The following BMERB1 variants were observed in gnomAD, a reference collection of about 807,000 sequenced individuals.
BMERB1 encodes the protein bMERB domain-containing protein 1.
A neutral mutation model predicts 23.6 loss-of-function variants in BMERB1; 12 were observed. That is an observed-to-expected ratio of 0.51 (90% confidence interval 0.33 to 0.82). The LOEUF (loss-of-function observed/expected upper bound fraction) is 0.82. BMERB1 is among the 40% of genes least tolerant of loss of function. BMERB1 has a pLI of 0.03. For missense variants in BMERB1, 247 were observed against 255.4 expected (o/e 0.97, Z 0.22); for synonymous variants, 122 against 96.6 (o/e 1.26, Z -1.54).
intron 1 of BMERB1, chr16:15,502,488 C>A: frequency 1.1e-6 from 1 of 920,622 alleles, no homozygotes. Flanking sequence ...CTTTGGGAAA[C>A]GGTGACTCAT....
chr16:15,465,788 A>G (rs1184059024), intron 1 of BMERB1, among the ~76,000 whole-genome samples: 1 of 152,126 alleles, frequency 6.6e-6, no homozygotes, highest in Admixed American at 6.5e-5. Flanking sequence ...TCTTTTCCAC[A>G]TTTGCTTTTA....
intron 2 of BMERB1, among the ~76,000 whole-genome samples, chr16:15,523,940 C>G (rs1489448426): frequency 6.6e-6 from 1 of 152,208 alleles, no homozygotes; most frequent in Non-Finnish European, 1.5e-5. Flanking sequence ...TGCCAACTCT[C>G]TTGAGAGTGG....
At chr16:15,475,954 C>T (rs538184295) in intron 1 of BMERB1, among the ~76,000 whole-genome samples, 2 of 152,258 alleles carry the variant, frequency 1.3e-5, no homozygotes, top group African/African-American at 4.8e-5. Context: ...ACCTCATTCT[C>T]CAGCCCCTCT....
intron 1 of BMERB1, among the ~76,000 whole-genome samples, chr16:15,487,790 A>G (rs888409468): frequency 2.0e-5 from 3 of 152,202 alleles, no homozygotes; most frequent in Non-Finnish European, 2.9e-5. Flanking sequence ...TTAAGACTAT[A>G]TAAGGTAACT....
intron 1 of BMERB1, among the ~76,000 whole-genome samples, chr16:15,458,668 GT>G (rs1381990365): frequency 4.0e-5 from 6 of 149,586 alleles, no homozygotes. Flanking sequence ...AGTGAGCTGT[GT>G]TGGCACCACT....
At chr16:15,548,682 C>A (rs2029995184) in intron 2 of BMERB1, among the ~76,000 whole-genome samples, 1 of 152,328 alleles carries the variant, frequency 6.6e-6, no homozygotes, top group Middle Eastern at 3.4e-3. Flanking sequence ...CTTGCGTTTT[C>A]TTTGTGGTTT....
At chr16:15,490,388 T>A (rs1219128405) in intron 1 of BMERB1, among the ~76,000 whole-genome samples, 1 of 152,168 alleles carries the variant, frequency 6.6e-6, no homozygotes, top group Non-Finnish European at 1.5e-5. Context: ...GCTCAAGTGA[T>A]CCTCCTGCCT....
At chr16:15,499,611 G>C (rs748879783) in intron 1 of BMERB1, among the ~76,000 whole-genome samples, 6 of 152,046 alleles carry the variant, frequency 3.9e-5, no homozygotes, top group Non-Finnish European at 8.8e-5. Flanking sequence ...GCTTCTCCTT[G>C]AGTCCACCTG....
intron 1 of BMERB1, among the ~76,000 whole-genome samples, chr16:15,438,685 C>T (rs1052220395): frequency 6.6e-6 from 1 of 152,302 alleles, no homozygotes; most frequent in African/African-American, 2.4e-5. Context: ...GTCTCGAACT[C>T]CTGGCCTCAA....
At chr16:15,485,736 A>C (rs2051363631) in intron 1 of BMERB1, among the ~76,000 whole-genome samples, 1 of 151,910 alleles carries the variant, frequency 6.6e-6, no homozygotes, top group African/African-American at 2.4e-5. Context: ...GCAAACAAAC[A>C]ACAACAAGAA....
intron 1 of BMERB1, chr16:15,447,836 T>C: frequency 2.2e-6 from 1 of 455,864 alleles, no homozygotes; most frequent in Non-Finnish European, 4.4e-6. Flanking sequence ...AAAAAAGGAC[T>C]GGCAATATGG....
chr16:15,587,117 T>TATC lies in BMERB1; in HGVS notation c.*289_*291dup. 2.4e-6 allele frequency: 1 copy of TATC among 417,438 alleles called. No homozygotes were observed. The highest frequency in any genetic ancestry group is 4.3e-6 in the Non-Finnish European group (1 of 231,690). The allele number at this position is 417,438 out of a possible 1,614,324, so 25.9% of individuals were successfully genotyped here. A position where few individuals can be genotyped will look rare whatever the true frequency, so the allele number is the denominator to read the frequency against. On this transcript the variant is annotated 3_prime_UTR_variant, in exon 6 of 6. Transcript: ENST00000300006. ...GGAAAGGTCCTCCCTCAAAAAAGCATATCTCCACTTCTCTCTAGCTGTATC... is the reference window on the plus strand; with the variant it reads ...GGAAAGGTCCTCCCTCAAAAAAGCATATCATCTCCACTTCTCTCTAGCTGTATC...
intron 1 of BMERB1, among the ~76,000 whole-genome samples, chr16:15,467,621 A>G (rs1267166862): frequency 2.0e-5 from 3 of 152,150 alleles, no homozygotes; most frequent in Non-Finnish European, 4.4e-5. Flanking sequence ...TGTGGTTTGC[A>G]AATATTTCCT....
At chr16:15,526,046 A>T (rs956621506) in intron 2 of BMERB1, among the ~76,000 whole-genome samples, 1 of 152,212 alleles carries the variant, frequency 6.6e-6, no homozygotes, top group Non-Finnish European at 1.5e-5. Context: ...ATTAAATAGC[A>T]TGTAAAATTC....
intron 1 of BMERB1, among the ~76,000 whole-genome samples, chr16:15,499,738 G>A (rs778354053): frequency 3.3e-5 from 5 of 152,170 alleles, no homozygotes; most frequent in African/African-American, 1.2e-4. Flanking sequence ...TCATCATTCA[G>A]GTTGTTCAGA....
At chr16:15,459,986 C>T (rs1299060460) in intron 1 of BMERB1, among the ~76,000 whole-genome samples, 1 of 152,136 alleles carries the variant, frequency 6.6e-6, no homozygotes, top group Non-Finnish European at 1.5e-5. Context: ...ATACCTCATT[C>T]CTTAGTCATC....
intron 2 of BMERB1, among the ~76,000 whole-genome samples, chr16:15,526,959 TTTA>T (rs898279157): frequency 1.4e-5 from 2 of 146,994 alleles, no homozygotes; most frequent in Admixed American, 6.8e-5. Context: ...TAAATCATAT[TTTA>T]TTATATTTTA....
intron 2 of BMERB1, among the ~76,000 whole-genome samples, chr16:15,559,279 G>A (rs1244014104): frequency 1.3e-5 from 2 of 152,194 alleles, no homozygotes; most frequent in Admixed American, 1.3e-4. Flanking sequence ...AAAGCAAATG[G>A]GATTCTGTGA....
chr16:15,513,173 A>G (rs534108569), intron 1 of BMERB1, among the ~76,000 whole-genome samples: 1 of 152,294 alleles, frequency 6.6e-6, no homozygotes, highest in Admixed American at 6.5e-5. Flanking sequence ...CTAGAAACAT[A>G]GCCCGAAGGA....
Sources: gnomAD v4.1 joint callset for allele counts (sites outside exome capture counted in the v4.1 genomes callset) on GRCh38, gnomAD v4.1.1 for gene constraint, MANE v1.5 for transcripts, NCBI Gene and HGNC (gene_info 2026-07-23, HGNC 2026-07-21) for gene names.